Variants in CNTN4 observed in about 807,000 individuals in gnomAD.
CNTN4 encodes the protein contactin 4.
CNTN4 carries 77 observed loss-of-function variants against 122.5 expected under a neutral mutation model. That is an observed-to-expected ratio of 0.63 (90% confidence interval 0.52 to 0.76). CNTN4 has a LOEUF of 0.76. Ranked by LOEUF, CNTN4 falls within the 30% of genes least tolerant of loss-of-function variation. The probability of loss-of-function intolerance (pLI) is 0.00; values close to 1 mark genes in which losing one functional copy is unlikely to be tolerated. For missense variants in CNTN4, 1,256 were observed against 1,259.1 expected (o/e 1.00, Z 0.04); for synonymous variants, 512 against 447.0 (o/e 1.15, Z -1.83).
intron 3 of CNTN4, among the ~76,000 whole-genome samples, chr3:2,344,255 G>T (rs1161312239): frequency 6.6e-6 from 1 of 151,516 alleles, no homozygotes; most frequent in Non-Finnish European, 1.5e-5. Context: ...TGACCTGACT[G>T]CCAAGGCCAA....
chr3:2,895,878 C>CA (rs1289718977), intron 10 of CNTN4, among the ~76,000 whole-genome samples: 23 of 152,128 alleles, frequency 1.5e-4, no homozygotes, highest in African/African-American at 3.4e-4. Flanking sequence ...ACTAAAAATA[C>CA]AAAAATTAGC....
rs144604434 is a variant in CNTN4, at chr3:2,415,601, G to A, written c.-89+76368G>A. ...ATGGTAGGTGTAAGACAGAAAGTAC[G>A]TTTGCTTGGTATACATTTCTGTGGG... On this transcript the variant is annotated intron_variant, in intron 3 of 24. Transcript: ENST00000418658. Among the ~76,000 whole-genome samples, 560 of 152,186 alleles carry A rather than the reference G, an allele frequency of 3.7e-3. 4 individuals are homozygous for A. Among genetic ancestry groups the A allele is most frequent in the African/African-American group, 0.013 (523 of 41,518 alleles).
chr3:2,109,023 A>G (rs906846907), intron 2 of CNTN4, among the ~76,000 whole-genome samples: 1 of 152,256 alleles, frequency 6.6e-6, no homozygotes, highest in African/African-American at 2.4e-5. Context: ...CAAGCAAGTC[A>G]GTGAGAGTGA....
At chr3:2,544,059 T>C (rs2078140002) in intron 3 of CNTN4, among the ~76,000 whole-genome samples, 1 of 152,144 alleles carries the variant, frequency 6.6e-6, no homozygotes, top group Non-Finnish European at 1.5e-5. Flanking sequence ...GAAACCTTTC[T>C]TGAGTAAGCT....
In CNTN4 at chr3:2,869,155, C is replaced by A. The variant is rs765929548; in HGVS notation, c.652+2206C>A. ...TAGGAGAAATTAGCAGATTTTACTT[C>A]GAGTGCAGCGAGAAGCCGTTAGCGA... On this transcript the variant is annotated intron_variant, in intron 8 of 24. Coordinates refer to ENST00000418658, the MANE Select transcript of CNTN4 (RefSeq NM_175607.3). Among the ~76,000 whole-genome samples, 4 of 152,088 alleles carry A rather than the reference C, an allele frequency of 2.6e-5. No individual in the cohort carries two copies. In the South Asian group the frequency reaches 8.3e-4, roughly 32 times the overall value.
chr3:2,200,394 C>A (rs1260597852), intron 2 of CNTN4, among the ~76,000 whole-genome samples: 1 of 152,136 alleles, frequency 6.6e-6, no homozygotes, highest in Admixed American at 6.5e-5. Flanking sequence ...CAACTGAGAG[C>A]AACTTTGCTC....
intron 3 of CNTN4, among the ~76,000 whole-genome samples, chr3:2,470,983 C>A (rs571569880): frequency 6.6e-6 from 1 of 152,228 alleles, no homozygotes; most frequent in South Asian, 2.1e-4. Flanking sequence ...GGCACATGTT[C>A]ATGAAAAATT....
intron 4 of CNTN4, among the ~76,000 whole-genome samples, chr3:2,720,232 G>T (rs915939671): frequency 2.0e-5 from 3 of 152,180 alleles, no homozygotes; most frequent in African/African-American, 4.8e-5. Flanking sequence ...TCTTTTTGAT[G>T]TCAATGAGAT....
intron 6 of CNTN4, among the ~76,000 whole-genome samples, chr3:2,779,795 T>G (rs1390289640): frequency 6.6e-6 from 1 of 152,224 alleles, no homozygotes; most frequent in Non-Finnish European, 1.5e-5. Flanking sequence ...TTTGTATGAT[T>G]GTTAAGTCCT....
intron 3 of CNTN4, among the ~76,000 whole-genome samples, chr3:2,380,610 A>G (rs1460914383): frequency 6.6e-6 from 1 of 152,126 alleles, no homozygotes; most frequent in Non-Finnish European, 1.5e-5. Flanking sequence ...TAACAAAATG[A>G]TCAGTTTACC....
intron 3 of CNTN4, among the ~76,000 whole-genome samples, chr3:2,533,009 C>G (rs1351479417): frequency 6.6e-6 from 1 of 151,976 alleles, no homozygotes; most frequent in Non-Finnish European, 1.5e-5. Flanking sequence ...AGTCACCGCC[C>G]AAATCTCTAG....
At chr3:2,426,409 G>A (rs2047835298) in intron 3 of CNTN4, among the ~76,000 whole-genome samples, 1 of 152,130 alleles carries the variant, frequency 6.6e-6, no homozygotes, top group Non-Finnish European at 1.5e-5. Flanking sequence ...TTGCATCCCA[G>A]GGATGAAACC....
At chr3:2,335,867 C>T (rs2043934587) in intron 2 of CNTN4, among the ~76,000 whole-genome samples, 3 of 152,196 alleles carry the variant, frequency 2.0e-5, no homozygotes, top group East Asian at 1.9e-4. Context: ...CTTATTTTGG[C>T]GTAACCCTTA....
chr3:2,170,212 C>G (rs71309872), intron 2 of CNTN4, among the ~76,000 whole-genome samples: 89 of 151,238 alleles, frequency 5.9e-4, no homozygotes, highest in Non-Finnish European at 7.1e-4. Context: ...CCCAGCTACT[C>G]GGGAGGCTGA....
intron 4 of CNTN4, chr3:2,629,660 T>A: frequency 2.6e-6 from 1 of 377,782 alleles, no homozygotes; most frequent in Non-Finnish European, 5.2e-6. Context: ...ATGGTTCTCC[T>A]GTAGGCCACT....
Position 2,816,303 on chromosome 3 carries a change from G to A in CNTN4, c.359-3183G>A, listed in dbSNP as rs1013358310. ...CAGGAGGCAGAGCTTGCAATGAGCC[G>A]AGATCGTGGCACTGCACTCCAGCCT... On this transcript the variant is annotated intron_variant, in intron 6 of 24. Coordinates refer to ENST00000418658, the MANE Select transcript of CNTN4 (RefSeq NM_175607.3). Among the ~76,000 whole-genome samples, 12 of 149,392 alleles carry A rather than the reference G, an allele frequency of 8.0e-5. 1 individual carries two copies. The highest frequency in any genetic ancestry group is 2.6e-4 in the African/African-American group (10 of 39,056).
chr3:2,676,987 T>A (rs1004348132), intron 4 of CNTN4, among the ~76,000 whole-genome samples: 2 of 152,152 alleles, frequency 1.3e-5, no homozygotes, highest in African/African-American at 4.8e-5. Context: ...CCTGCAGGGT[T>A]CTGGTTTTTT....
chr3:2,555,918 T>C (rs1430896307), intron 3 of CNTN4, among the ~76,000 whole-genome samples: 1 of 152,110 alleles, frequency 6.6e-6, no homozygotes, highest in Non-Finnish European at 1.5e-5. Flanking sequence ...TATGAAGCTT[T>C]CCCAGGGAAT....
chr3:2,364,270 T>C (rs923146209), intron 3 of CNTN4, among the ~76,000 whole-genome samples: 1 of 152,134 alleles, frequency 6.6e-6, no homozygotes, highest in African/African-American at 2.4e-5. Context: ...TATCTCAGAG[T>C]TGTTGTCTCG....
Sources: allele counts gnomAD v4.1 joint callset (sites outside exome capture counted in the v4.1 genomes callset), GRCh38; gene constraint gnomAD v4.1.1; transcripts MANE v1.5; gene names NCBI Gene and HGNC (gene_info 2026-07-23, HGNC 2026-07-21).